The following RUBCN variants were observed in gnomAD, a reference collection of about 807,000 sequenced individuals.
RUBCN encodes run domain Beclin-1-interacting and cysteine-rich domain-containing protein.
In RUBCN, 74 loss-of-function variants were observed where a neutral mutation model predicts 113.2. The ratio of observed to expected loss-of-function variants is 0.65; its 90% CI spans 0.54 to 0.79. The LOEUF (loss-of-function observed/expected upper bound fraction) is 0.79. Ranked by LOEUF, RUBCN falls within the 30% of genes least tolerant of loss-of-function variation. The pLI, the probability that RUBCN is intolerant of heterozygous loss-of-function variation, is 0.00. For synonymous variants in RUBCN, 480 were observed against 490.0 expected (o/e 0.98, Z 0.27); for missense variants, 1,109 against 1,251.7 (o/e 0.89, Z 1.72).
At chr3:197,700,433 T>TA in intron 7 of RUBCN, 180 bp downstream of exon 7, 2 of 629,882 alleles carry the variant, frequency 3.2e-6, no homozygotes, top group Non-Finnish European at 5.6e-6. Flanking sequence ...CAAACATAAA[T>TA]AGACTTAGAG....
intron 9 of RUBCN, among the ~76,000 whole-genome samples, 190 bp from the exon 10 acceptor site, chr3:197,694,775 C>T (rs1334591121): frequency 2.6e-5 from 4 of 152,266 alleles, no homozygotes; most frequent in South Asian, 2.1e-4. Context: ...CACTCTCTTA[C>T]TTTGCCAAGC....
intron 2 of RUBCN, among the ~76,000 whole-genome samples, chr3:197,713,438 G>A (rs567599196): frequency 5.5e-4 from 84 of 152,300 alleles, no homozygotes; most frequent in African/African-American, 2.0e-3. Flanking sequence ...AGCAGCCTGG[G>A]AAACTTGCAC....
Position 197,736,800 on chromosome 3 carries a change from G to T in RUBCN, c.-81C>A. On this transcript the variant is annotated 5_prime_UTR_variant, in exon 1 of 20. Coordinates refer to ENST00000296343, the MANE Select transcript of RUBCN (RefSeq NM_014687.4). Reference sequence around the variant, plus strand: ...TTCAGGGCTCCCGGGGCCCCCTGGGGCCGGAGGAGGCACCTGCGGCCGGTG... The same window carrying T: ...TTCAGGGCTCCCGGGGCCCCCTGGGTCCGGAGGAGGCACCTGCGGCCGGTG... The T allele has an allele frequency of 6.8e-7, 1 of 1,465,260 alleles. No homozygotes were observed. Among genetic ancestry groups the T allele is most frequent in the Non-Finnish European group, 9.0e-7 (1 of 1,116,852 alleles). 90.8% of individuals were successfully genotyped at this position (1,465,260 alleles called of 1,614,324 possible).
At chr3:197,679,536 T>C (rs1720933812) in intron 16 of RUBCN, among the ~76,000 whole-genome samples, 1 of 146,112 alleles carries the variant, frequency 6.8e-6, no homozygotes, top group South Asian at 2.2e-4. Flanking sequence ...GGCTCCAGAC[T>C]GTCCTACGCT....
In RUBCN at chr3:197,684,198, G is replaced by A. The variant is rs1017623355; in HGVS notation, c.1806C>T (p.Asn602=). 3.7e-6 allele frequency: 6 copies of A among 1,613,590 alleles called. No homozygotes were observed. In the Admixed American group the frequency reaches 8.3e-5, roughly 22 times the overall value. Residue 602 remains asparagine (N), a synonymous_variant, in exon 12 of 20, where the codon AAC becomes AAT. Coordinates refer to ENST00000296343, the MANE Select transcript of RUBCN (RefSeq NM_014687.4). ...CGAAGGATTTGCTGCTTGAGGCTGT[G>A]TTCCTTCTGATGTCAGCATCTACAT... ...FEIQDADIRR[N]TASSSKSFVS...
Position 197,695,948 on chromosome 3 carries a change from A to G in RUBCN, c.1391T>C (p.Met464Thr), listed in dbSNP as rs1343004645. The G allele has an allele frequency of 1.2e-5, 19 of 1,614,032 alleles. No homozygotes were observed. The highest frequency in any genetic ancestry group is 1.5e-5 in the Non-Finnish European group (18 of 1,180,028). Residue 464 changes from methionine (M) to threonine (T), a missense_variant, in exon 9 of 20, where the codon ATG becomes ACG. Transcript: ENST00000296343. The part of the protein sequence containing the change: ...GGRYLCSGEG[M>T]FRRPSEGQSL... ...CTGTCCTTCTGATGGTCTTCGGAAC[A>G]TGCCTTCCCCTGAGCACAGGTACCG... is the stretch of plus-strand genomic sequence containing the variant.
In RUBCN at chr3:197,684,205, C is replaced by T. The variant is rs1721578877; in HGVS notation, c.1799G>A (p.Arg600Lys). The T allele has an allele frequency of 6.2e-7, 1 of 1,613,636 alleles. No individual in the cohort carries two copies. Among genetic ancestry groups the T allele is most frequent in the Non-Finnish European group, 8.5e-7 (1 of 1,179,578 alleles). Residue 600 changes from arginine to lysine, a missense_variant, in exon 12 of 20, where the codon AGA (arginine) becomes AAA (lysine). Transcript: ENST00000296343. ...TTTGCTGCTTGAGGCTGTGTTCCTT[C>T]TGATGTCAGCATCTACATGGAAACC... ...DEFEIQDADI[R>K]RNTASSSKSF...
At position 197,704,733 on chromosome 3, in the gene RUBCN, A is replaced by G. The variant is rs149223623; in HGVS notation, c.304-32T>C. ...AGCAAAGGGGCATGAGTCAAAACACACATCCTGGTAGATACGGCAAGATTG... is the reference window on the plus strand; with the variant it reads ...AGCAAAGGGGCATGAGTCAAAACACGCATCCTGGTAGATACGGCAAGATTG... On this transcript the variant is annotated intron_variant, in intron 3 of 19. Coordinates refer to ENST00000296343, the MANE Select transcript of RUBCN (RefSeq NM_014687.4). 160 of 1,610,554 alleles carry G rather than the reference A, an allele frequency of 9.9e-5. No homozygotes were observed. The East Asian group carries it at 3.2e-3, about 32-fold the overall frequency.
Position 197,683,411 on chromosome 3 carries a change from C to T in RUBCN, c.1876G>A (p.Ala626Thr). 6.2e-7 allele frequency: 1 copy of T among 1,614,166 alleles called. No individual in the cohort carries two copies. The highest frequency in any genetic ancestry group is 8.5e-7 in the Non-Finnish European group (1 of 1,180,012). The part of the protein sequence containing the change: ...FSHCFLHSTS[A>T]EAVAMGLLKQ... ...AGGAGCCCCATGGCCACCGCCTCAG[C>T]AGACGTGGAGTGCAGGAAGCAGTGG... is the stretch of plus-strand genomic sequence containing the variant. Residue 626 changes from alanine (A) to threonine (T), a missense_variant, in exon 13 of 20, where the codon GCT (alanine) becomes ACT (threonine). Ala to Thr is a moderately conservative substitution (Grantham distance 58). This residue lies in a region of RUBCN where 67 missense variants were observed against 123.2 expected (regional missense o/e 0.54). Transcript: ENST00000296343. The surrounding 1 kb of genome is among the most constrained non-coding windows in gnomAD (Gnocchi z 4.6).
At chr3:197,729,205 G>C (rs1445499394) in intron 1 of RUBCN, among the ~76,000 whole-genome samples, 2 of 150,666 alleles carry the variant, frequency 1.3e-5, no homozygotes, top group African/African-American at 4.9e-5. Context: ...AAAATATTCT[G>C]TTTTCAATGG....
intron 1 of RUBCN, chr3:197,748,255 C>T (rs1029197710): frequency 4.6e-5 from 7 of 152,078 alleles, no homozygotes; most frequent in African/African-American, 1.7e-4. Context: ...TTTTAGCAGT[C>T]CAGACAAATG....
At chr3:197,712,039 GA>G (rs1197540095) in intron 2 of RUBCN, among the ~76,000 whole-genome samples, 1 of 151,770 alleles carries the variant, frequency 6.6e-6, no homozygotes, top group East Asian at 1.9e-4. Context: ...TACATATTCA[GA>G]AAAAAACCAC....
At chr3:197,722,849 C>T (rs1016773081) in intron 1 of RUBCN, among the ~76,000 whole-genome samples, 1 of 152,064 alleles carries the variant, frequency 6.6e-6, no homozygotes, top group African/African-American at 2.4e-5. Context: ...TATGTCCTCA[C>T]ATGTGAAGTG....
At position 197,675,592 on chromosome 3, in the gene RUBCN, G is replaced by A. The variant is rs1205141006; in HGVS notation, c.2647-77C>T. The A allele has an allele frequency of 7.2e-6, 8 of 1,107,618 alleles. No homozygotes were observed. The highest frequency in any genetic ancestry group is 1.1e-5 in the Non-Finnish European group (8 of 725,904). The allele number at this position is 1,107,618 out of a possible 1,614,324, so 68.6% of individuals were successfully genotyped here. On this transcript the variant is annotated intron_variant, in intron 18 of 19. Transcript: ENST00000296343. This position sits in a 1 kb window ranked among gnomAD's most constrained non-coding sequence, Gnocchi z 4.4. The stretch of plus-strand genomic sequence containing the variant: ...GGCACGGGAGGGTGAACACCGAGGA[G>A]GGGAGTGGTCTACAGGGTTCTGCTG...
intron 2 of RUBCN, among the ~76,000 whole-genome samples, chr3:197,709,845 T>C (rs1247614427): frequency 1.3e-5 from 2 of 151,884 alleles, no homozygotes; most frequent in Admixed American, 6.6e-5. Context: ...ATAAAAGTAA[T>C]AGACAAAACC....
In RUBCN at chr3:197,672,470, T is replaced by C. The variant is rs1719885385; in HGVS notation, c.*2548A>G. 1 of 152,230 alleles carries C rather than the reference T, an allele frequency of 6.6e-6. No individual in the cohort carries two copies. Among genetic ancestry groups the C allele is most frequent in the Admixed American group, 6.5e-5 (1 of 15,286 alleles). The allele number at this position is 152,230 out of a possible 1,614,324, so 9.4% of individuals were successfully genotyped here. A position where few individuals can be genotyped will look rare whatever the true frequency, so the allele number is the denominator to read the frequency against. On this transcript the variant is annotated 3_prime_UTR_variant, in exon 20 of 20. Coordinates refer to ENST00000296343, the MANE Select transcript of RUBCN (RefSeq NM_014687.4). ...GGGTATTTGGAAGGTGAGGACGGCA[T>C]CGTGTCAGAGTCACTAAAACAGACG...
In RUBCN at chr3:197,684,358, G is replaced by A. The variant is rs1456743844; in HGVS notation, c.1787-141C>T. The A allele has an allele frequency of 6.5e-6, 5 of 765,022 alleles. No individual in the cohort carries two copies. In the East Asian group the frequency reaches 1.2e-4, roughly 19 times the overall value. 47.4% of individuals were successfully genotyped at this position (765,022 alleles called of 1,614,324 possible). On this transcript the variant is annotated intron_variant, in intron 11 of 19. Transcript: ENST00000296343. ...CTCTATGCAGGAGAAAGGAGCAGGTGAAGCTCTAAACACAGGTTATAATTT... is the reference window on the plus strand; with the variant it reads ...CTCTATGCAGGAGAAAGGAGCAGGTAAAGCTCTAAACACAGGTTATAATTT...
At chr3:197,704,787 G>T in intron 3 of RUBCN, 86 bp from the exon 4 acceptor site, 1 of 1,370,426 alleles carries the variant, frequency 7.3e-7, no homozygotes, top group Non-Finnish European at 1.0e-6. Flanking sequence ...ACTAAATTGA[G>T]ACAGGTAAGG....
chr3:197,683,389 A>G lies in RUBCN; in HGVS notation c.1898T>C (p.Leu633Pro). 6.2e-7 allele frequency: 1 copy of G among 1,614,158 alleles called. No individual in the cohort carries two copies. The highest frequency in any genetic ancestry group is 8.5e-7 in the Non-Finnish European group (1 of 1,180,018). Reference sequence around the variant, plus strand: ...CTGCATCCCCTCAAACTGCTTCAGGAGCCCCATGGCCACCGCCTCAGCAGA... The same window carrying G: ...CTGCATCCCCTCAAACTGCTTCAGGGGCCCCATGGCCACCGCCTCAGCAGA... ...STSAEAVAMG[L>P]LKQFEGMQLP... The change falls in exon 13 of 20, where the codon CTC becomes CCC. Residue 633 changes from leucine to proline, a missense_variant. This residue lies in a region of RUBCN where 67 missense variants were observed against 123.2 expected (regional missense o/e 0.54). Coordinates refer to ENST00000296343, the MANE Select transcript of RUBCN (RefSeq NM_014687.4). This position sits in a 1 kb window ranked among gnomAD's most constrained non-coding sequence, Gnocchi z 4.6.
Sources: gnomAD v4.1 joint callset for allele counts (sites outside exome capture counted in the v4.1 genomes callset) on GRCh38, gnomAD v4.1.1 for gene constraint, gnomAD v4.1.1 regional missense constraint, Gnocchi (gnomAD v3.1) non-coding constraint, MANE v1.5 for transcripts, NCBI Gene and HGNC (gene_info 2026-07-23, HGNC 2026-07-21) for gene names.